PRKCZ: variants seen among roughly 807,000 people sequenced by gnomAD.
PRKCZ encodes protein kinase C zeta type.
In PRKCZ, 33 loss-of-function variants were observed where a neutral mutation model predicts 79.5. That is an observed-to-expected ratio of 0.41 (90% CI 0.31 to 0.55). PRKCZ has a LOEUF of 0.55. Ranked by LOEUF, PRKCZ falls within the 20% of genes least tolerant of loss-of-function variation. PRKCZ has a pLI of 0.19. For synonymous variants in PRKCZ, 342 were observed against 320.9 expected (o/e 1.07, Z -0.70); for missense variants, 578 against 813.5 (o/e 0.71, Z 3.52).
In PRKCZ at chr1:2,086,716, C is replaced by T. The variant is rs560161897; in HGVS notation, c.334+27125C>T. Among the ~76,000 whole-genome samples the T allele has an allele frequency of 6.6e-5, 10 of 152,310 alleles. No individual in the cohort carries two copies. The East Asian group carries it at 7.7e-4, about 12-fold the overall frequency. On this transcript the variant is annotated intron_variant, in intron 4 of 17. Transcript: ENST00000378567. ...GTGGGCCAGGGGCTGCATGGGGATT[C>T]GATGTGCAGTTCCCGCGGCAGCTCC...
intron 4 of PRKCZ, among the ~76,000 whole-genome samples, chr1:2,063,658 G>A (rs1370656601): frequency 2.6e-5 from 4 of 152,106 alleles, no homozygotes; most frequent in Non-Finnish European, 5.9e-5. Context: ...CATGGTGCCT[G>A]CAGCATTTTC....
intron 4 of PRKCZ, 125 bp from the exon 5 acceptor site, chr1:2,135,137 C>A: frequency 1.3e-6 from 1 of 749,102 alleles, no homozygotes; most frequent in Non-Finnish European, 2.2e-6. Flanking sequence ...CCAGCCCTGC[C>A]TTCCCTGCCT....
chr1:2,171,353 A>AT (rs1229527194), intron 11 of PRKCZ, among the ~76,000 whole-genome samples: 2 of 150,570 alleles, frequency 1.3e-5, no homozygotes, highest in Non-Finnish European at 3.0e-5. Context: ...AAAAAAAAAA[A>AT]AAAAAGGTCA....
rs866361441 is a variant in PRKCZ, at chr1:2,123,712, G to T, written c.335-11550G>T. Among the ~76,000 whole-genome samples, 3 of 5,996 alleles carry T rather than the reference G, an allele frequency of 5.0e-4. 1 individual carries two copies. Among genetic ancestry groups the T allele is most frequent in the Non-Finnish European group, 8.5e-4 (3 of 3,532 alleles). 3.9% of individuals were successfully genotyped at this position (5,996 alleles called of 152,430 possible). ...TTAGGGTCACGGTGGTAGTTAGGGTGGTGGTGGTTAGGGTCACGGTGGTGG... is the reference window on the plus strand; with the variant it reads ...TTAGGGTCACGGTGGTAGTTAGGGTTGTGGTGGTTAGGGTCACGGTGGTGG... On this transcript the variant is annotated intron_variant, in intron 4 of 17. Coordinates refer to ENST00000378567, the MANE Select transcript of PRKCZ (RefSeq NM_002744.6).
intron 4 of PRKCZ, among the ~76,000 whole-genome samples, chr1:2,115,119 G>A (rs548495730): frequency 1.1e-4 from 16 of 152,366 alleles, no homozygotes; most frequent in East Asian, 1.9e-4. Flanking sequence ...TGCTTGTTTC[G>A]AGCTTTTGTC....
intron 4 of PRKCZ, among the ~76,000 whole-genome samples, chr1:2,112,360 CG>C (rs1669910914): frequency 6.6e-6 from 1 of 152,206 alleles, no homozygotes; most frequent in Non-Finnish European, 1.5e-5. Context: ...GCCGGCGAGG[CG>C]GCCCGCGAAC....
chr1:2,182,076 T>C (rs1348078683), intron 16 of PRKCZ: 2 of 318,472 alleles, frequency 6.3e-6, no homozygotes, highest in Non-Finnish European at 6.3e-6. Flanking sequence ...ATTTGTCTGT[T>C]TTGTGGCATC....
rs138136481 is a variant in PRKCZ at position 2,086,797 on chromosome 1, C to T, written c.334+27206C>T. ...CTGAGTGGGGTCTCCATCTGCACAG[C>T]GTGAGCCTGTTCGCTCGTGTGCTCT... On this transcript the variant is annotated intron_variant, in intron 4 of 17. Transcript: ENST00000378567. Among the ~76,000 whole-genome samples the T allele has an allele frequency of 9.3e-4, 142 of 152,304 alleles. 1 individual carries two copies. The highest frequency in any genetic ancestry group is 1.7e-3 in the Admixed American group (26 of 15,302).
At chr1:2,056,729 CTTT>C (rs1213314980) in intron 3 of PRKCZ, among the ~76,000 whole-genome samples, 156 bp downstream of exon 3, 3 of 136,770 alleles carry the variant, frequency 2.2e-5, no homozygotes, top group African/African-American at 5.5e-5. Context: ...TTTTCTTTGA[CTTT>C]TTTTTTTTTT....
At chr1:2,112,123 G>A (rs549486368) in intron 4 of PRKCZ, among the ~76,000 whole-genome samples, 4 of 152,358 alleles carry the variant, frequency 2.6e-5, no homozygotes, top group Middle Eastern at 3.4e-3. Context: ...TTCCAGCAGA[G>A]CTTTTCCCCT....
intron 4 of PRKCZ, among the ~76,000 whole-genome samples, chr1:2,071,830 G>T (rs1370273299): frequency 6.6e-6 from 1 of 152,186 alleles, no homozygotes. Flanking sequence ...CTAGCCAGGG[G>T]TCTGCGAGCT....
chr1:2,149,619 G>C lies in PRKCZ; in HGVS notation c.687+695G>C, dbSNP rs1679425806. ...CTCACACCTCCAATCCCAGCATTTT[G>C]GGAGGCTGCGCACATCGCTTGAGTC... On this transcript the variant is annotated intron_variant, in intron 8 of 17. Coordinates refer to ENST00000378567, the MANE Select transcript of PRKCZ (RefSeq NM_002744.6). The surrounding 1 kb of genome is among the most constrained non-coding windows in gnomAD (Gnocchi z 4.1). 6.6e-6 allele frequency among the ~76,000 whole-genome samples: 1 copy of C among 152,208 alleles called. No homozygotes were observed. The highest frequency in any genetic ancestry group is 6.5e-5 in the Admixed American group (1 of 15,284).
chr1:2,108,543 C>T lies in PRKCZ; in HGVS notation c.335-26719C>T, dbSNP rs138843772. ...CTGCGAGGAGGAGGTTGGCCTCGCG[C>T]GGCCATGTGCGTGACAGTGGAGACA... On this transcript the variant is annotated intron_variant, in intron 4 of 17. Transcript: ENST00000378567. Among the ~76,000 whole-genome samples the T allele has an allele frequency of 7.3e-3, 1,119 of 152,328 alleles. 9 individuals are homozygous for T. Among genetic ancestry groups the T allele is most frequent in the Non-Finnish European group, 0.011 (736 of 68,030 alleles).
intron 6 of PRKCZ, 107 bp from the exon 7 acceptor site, chr1:2,145,919 TA>T (rs901590419): frequency 1.1e-4 from 101 of 937,392 alleles, no homozygotes; most frequent in Admixed American, 2.7e-4. Flanking sequence ...ACCCTGTCTG[TA>T]AAAAAAAGTT....
upstream of PRKCZ, chr1:2,050,148 A>T (rs980240926): frequency 6.6e-6 from 1 of 152,060 alleles, no homozygotes; most frequent in Non-Finnish European, 1.5e-5. Flanking sequence ...GCTCCGTCCC[A>T]GAGGCCGGGG....
chr1:2,125,907 C>T lies in PRKCZ; in HGVS notation c.335-9355C>T, dbSNP rs1673783147. Among the ~76,000 whole-genome samples the T allele has an allele frequency of 6.6e-6, 1 of 152,160 alleles. No homozygotes were observed. The highest frequency in any genetic ancestry group is 2.1e-4 in the South Asian group (1 of 4,820). On this transcript the variant is annotated intron_variant, in intron 4 of 17. Coordinates refer to ENST00000378567, the MANE Select transcript of PRKCZ (RefSeq NM_002744.6). This position sits in a 1 kb window ranked among gnomAD's most constrained non-coding sequence, Gnocchi z 4.2. Reference sequence around the variant, plus strand: ...CAACATGCAGCACTTCCCTTCCTTTCCATGGAGCACGGTTCCTGTCCCGGG... The same window carrying T: ...CAACATGCAGCACTTCCCTTCCTTTTCATGGAGCACGGTTCCTGTCCCGGG...
At chr1:2,156,523 T>C (rs1191061039) in intron 10 of PRKCZ, 24 of 192,042 alleles carry the variant, frequency 1.2e-4, no homozygotes, top group Non-Finnish European at 4.4e-5. Context: ...GGGGGCCAGT[T>C]GACTTTGACC....
chr1:2,182,582 T>A (rs1292803409), intron 16 of PRKCZ: 2 of 154,824 alleles, frequency 1.3e-5, no homozygotes, highest in Admixed American at 1.3e-4. Context: ...CGAGCTGGGC[T>A]GTTCGGCTTG....
chr1:2,079,462 G>A (rs1009657133), intron 4 of PRKCZ, among the ~76,000 whole-genome samples: 7 of 152,220 alleles, frequency 4.6e-5, no homozygotes, highest in African/African-American at 7.2e-5. Flanking sequence ...GCTATTTGCC[G>A]CGTGCCCCAG....
Sources: allele counts gnomAD v4.1 joint callset (sites outside exome capture counted in the v4.1 genomes callset), GRCh38; gene constraint gnomAD v4.1.1; non-coding constraint Gnocchi (gnomAD v3.1); transcripts MANE v1.5; gene names NCBI Gene and HGNC (gene_info 2026-07-23, HGNC 2026-07-21).